EVI5: variants seen among roughly 807,000 people sequenced by gnomAD.
EVI5 encodes ecotropic viral integration site 5, also known as ecotropic viral integration site 5 protein homolog.
EVI5 carries 73 observed loss-of-function variants against 112.0 expected under a neutral mutation model. The ratio of observed to expected loss-of-function variants is 0.65; its 90% CI spans 0.54 to 0.79. The LOEUF (loss-of-function observed/expected upper bound fraction) is 0.79, where lower values mean the gene tolerates loss of function less well. Ranked by LOEUF, EVI5 falls within the 30% of genes least tolerant of loss-of-function variation. EVI5 has a pLI of 0.00. For synonymous variants in EVI5, 305 were observed against 319.9 expected (o/e 0.95, Z 0.50); for missense variants, 900 against 968.8 (o/e 0.93, Z 0.94).
At chr1:92,713,381 A>G (rs1673131804) in intron 2 of EVI5, among the ~76,000 whole-genome samples, 1 of 151,412 alleles carries the variant, frequency 6.6e-6, no homozygotes, top group South Asian at 2.1e-4. Context: ...ACCATACTAG[A>G]TCTAGATTTT....
chr1:92,703,736 C>A, intron 3 of EVI5, 117 bp from the exon 4 acceptor site: 1 of 660,288 alleles, frequency 1.5e-6, no homozygotes, highest in Non-Finnish European at 2.5e-6. Context: ...TTGTAACTCA[C>A]AAAGCTAGCT....
At chr1:92,749,211 G>T in intron 1 of EVI5, 1 of 326,292 alleles carries the variant, frequency 3.1e-6, no homozygotes, top group Non-Finnish European at 6.1e-6. Flanking sequence ...GCACACTCTT[G>T]CAAGCAGCTT....
At chr1:92,584,072 TAGTCTC>T in intron 18 of EVI5, among the ~76,000 whole-genome samples, 1 of 152,296 alleles carries the variant, frequency 6.6e-6, no homozygotes, top group East Asian at 1.9e-4. Context: ...GCAAGTTGCT[TAGTCTC>T]AAACACAAGC....
At chr1:92,576,199 T>G (rs1671053137) in intron 18 of EVI5, among the ~76,000 whole-genome samples, 1 of 152,156 alleles carries the variant, frequency 6.6e-6, no homozygotes, top group Non-Finnish European at 1.5e-5. Flanking sequence ...TAGAGTCATA[T>G]GTATGATATT....
At chr1:92,614,379 T>C (rs1048743017) in intron 16 of EVI5, among the ~76,000 whole-genome samples, 4 of 152,098 alleles carry the variant, frequency 2.6e-5, no homozygotes, top group African/African-American at 7.2e-5. Context: ...ATGGCACAGA[T>C]GTTAAAAATA....
At chr1:92,633,814 G>T (rs76448849) in intron 14 of EVI5, among the ~76,000 whole-genome samples, 9 of 152,196 alleles carry the variant, frequency 5.9e-5, no homozygotes, top group Admixed American at 3.3e-4. Flanking sequence ...TGCAGTGGCT[G>T]GTACCAGCTG....
At chr1:92,744,859 G>C (rs966098240) in intron 1 of EVI5, among the ~76,000 whole-genome samples, 1 of 152,100 alleles carries the variant, frequency 6.6e-6, no homozygotes, top group African/African-American at 2.4e-5. Flanking sequence ...TTTTATTACA[G>C]CAATTCTCAG....
At chr1:92,544,937 T>G (rs1665431424) in intron 19 of EVI5, among the ~76,000 whole-genome samples, 1 of 152,198 alleles carries the variant, frequency 6.6e-6, no homozygotes, top group Admixed American at 6.5e-5. Context: ...AAAGTAGCAC[T>G]AAGTCTTTGA....
rs1481084457 is a variant in EVI5 at position 92,695,386 on chromosome 1, G to C, written c.833C>G (p.Ser278Cys). The stretch of plus-strand genomic sequence containing the variant: ...TGTAAGAAAGATAGTCAGAAACCAG[G>C]ATGATGCATACATTGAGGTATGAAA... Reference protein sequence around the residue: ...QSFHTSMYASSWFLTIFLTTF... With the variant: ...QSFHTSMYASCWFLTIFLTTF... Residue 278 changes from serine to cysteine, a missense_variant, in exon 7 of 20, where the codon TCC becomes TGC. Physicochemically the swap from Ser to Cys is moderately radical, Grantham distance 112. Coordinates refer to ENST00000684568, the MANE Select transcript of EVI5 (RefSeq NM_001350197.2). 6.2e-7 allele frequency: 1 copy of C among 1,605,346 alleles called. No individual in the cohort carries two copies. Among genetic ancestry groups the C allele is most frequent in the Non-Finnish European group, 8.5e-7 (1 of 1,172,250 alleles).
chr1:92,704,158 T>C (rs953827272), intron 3 of EVI5, among the ~76,000 whole-genome samples: 1 of 151,112 alleles, frequency 6.6e-6, no homozygotes, highest in Non-Finnish European at 1.5e-5. Context: ...AAAAGGAAAA[T>C]AAAAAATTAG....
chr1:92,524,495 CT>C (rs1277091967), intron 19 of EVI5, among the ~76,000 whole-genome samples: 1 of 152,170 alleles, frequency 6.6e-6, no homozygotes, highest in African/African-American at 2.4e-5. Flanking sequence ...TAAATATTAC[CT>C]TTAAGATATG....
chr1:92,758,203 CTT>C (rs1488060721), intron 1 of EVI5, among the ~76,000 whole-genome samples: 7 of 152,100 alleles, frequency 4.6e-5, no homozygotes, highest in African/African-American at 1.7e-4. Flanking sequence ...AGAAAGAAAA[CTT>C]TGCTACTTTA....
In EVI5 at chr1:92,570,128, T is replaced by C. The variant is rs187699493; in HGVS notation, c.2071-6391A>G. 1.2e-3 allele frequency among the ~76,000 whole-genome samples: 177 copies of C among 152,156 alleles called. 1 individual carries two copies. Among genetic ancestry groups the C allele is most frequent in the African/African-American group, 4.1e-3 (172 of 41,498 alleles). ...AAAAAACACGAGGAAGAATGCTCAT[T>C]CATATAAAAGAAACAAAATCATTAT... On this transcript the variant is annotated intron_variant, in intron 18 of 19. Transcript: ENST00000684568.
intron 19 of EVI5, among the ~76,000 whole-genome samples, chr1:92,544,286 T>C (rs1443810692): frequency 6.6e-6 from 1 of 152,180 alleles, no homozygotes; most frequent in African/African-American, 2.4e-5. Context: ...TGTGACTATA[T>C]TAAAAACCAC....
chr1:92,702,744 T>G (rs2102540152), intron 4 of EVI5, among the ~76,000 whole-genome samples: 1 of 150,520 alleles, frequency 6.6e-6, no homozygotes. Flanking sequence ...AGGTGGAGGT[T>G]GCAGTGAGCT....
At chr1:92,515,446 G>C (rs966958706) in intron 19 of EVI5, among the ~76,000 whole-genome samples, 3 of 152,180 alleles carry the variant, frequency 2.0e-5, no homozygotes, top group Non-Finnish European at 2.9e-5. Flanking sequence ...CTGCCCTCAA[G>C]AGTTTATGTT....
At chr1:92,677,027 G>T (rs866721424) in intron 10 of EVI5, 131 bp downstream of exon 10, 1 of 622,242 alleles carries the variant, frequency 1.6e-6, no homozygotes, top group Non-Finnish European at 2.7e-6. Flanking sequence ...TTTTTGAAAT[G>T]TCTATTTTTA....
intron 19 of EVI5, among the ~76,000 whole-genome samples, chr1:92,515,416 A>T (rs547519591): frequency 2.0e-5 from 3 of 152,232 alleles, no homozygotes; most frequent in African/African-American, 7.2e-5. Context: ...TTCTACTCAC[A>T]TACAATTAAG....
intron 2 of EVI5, among the ~76,000 whole-genome samples, chr1:92,715,983 A>G (rs913333173): frequency 2.6e-5 from 4 of 152,152 alleles, no homozygotes; most frequent in African/African-American, 9.7e-5. Context: ...GGAGCCCACC[A>G]AAGTGCTGCA....
Sources: gnomAD v4.1 joint callset for allele counts (sites outside exome capture counted in the v4.1 genomes callset) on GRCh38, gnomAD v4.1.1 for gene constraint, MANE v1.5 for transcripts, NCBI Gene and HGNC (gene_info 2026-07-23, HGNC 2026-07-21) for gene names.